The following SEMA6A variants were observed in gnomAD, a reference collection of about 807,000 sequenced individuals.
SEMA6A encodes the protein semaphorin-6A.
Under a neutral mutation model 96.8 loss-of-function variants are expected in SEMA6A, and 25 were observed. That is an observed-to-expected ratio of 0.26 (90% confidence interval 0.19 to 0.36). The LOEUF is 0.36. SEMA6A is among the 10% of genes least tolerant of loss of function. The probability of loss-of-function intolerance (pLI) is 1.00; values close to 1 mark genes in which losing one functional copy is unlikely to be tolerated. For missense variants in SEMA6A, 1,363 were observed against 1,323.1 expected, an observed-to-expected ratio of 1.03 and a Z score of -0.47; for synonymous variants, 612 against 518.0, an observed-to-expected ratio of 1.18 and a Z score of -2.46.
intron 1 of SEMA6A, among the ~76,000 whole-genome samples, chr5:116,542,201 T>TA (rs1344280113): frequency 1.3e-5 from 2 of 152,222 alleles, no homozygotes; most frequent in Non-Finnish European, 2.9e-5. Flanking sequence ...TTACAGCTGT[T>TA]ACCTGCTAAC....
chr5:116,486,078 A>G (rs1251075746), intron 10 of SEMA6A, among the ~76,000 whole-genome samples: 3 of 152,192 alleles, frequency 2.0e-5, no homozygotes, highest in Non-Finnish European at 4.4e-5. Context: ...TGATTTATAA[A>G]TTCTCACTAG....
chr5:116,453,376 C>A (rs1754776118), intron 18 of SEMA6A, among the ~76,000 whole-genome samples: 1 of 152,196 alleles, frequency 6.6e-6, no homozygotes. Context: ...TCTGCATTCC[C>A]TTTATTCTAA....
chr5:116,557,470 G>A (rs2545693), intron 1 of SEMA6A, among the ~76,000 whole-genome samples: 6 of 152,290 alleles, frequency 3.9e-5, no homozygotes, highest in South Asian at 2.1e-4. Context: ...CTTTGGCCTC[G>A]CAAAGTGCTT....
intron 1 of SEMA6A, among the ~76,000 whole-genome samples, chr5:116,534,106 T>C (rs774301676): frequency 2.1e-4 from 32 of 152,210 alleles, no homozygotes; most frequent in Non-Finnish European, 3.7e-4. Context: ...TAACCTCTTA[T>C]TCATTCTAAA....
chr5:116,518,238 T>C (rs1758757952), intron 1 of SEMA6A, among the ~76,000 whole-genome samples: 1 of 152,156 alleles, frequency 6.6e-6, no homozygotes, highest in African/African-American at 2.4e-5. Flanking sequence ...TGGCTGTCCC[T>C]CACCTTTCTT....
chr5:116,569,130 G>C (rs1761115348), intron 1 of SEMA6A, among the ~76,000 whole-genome samples: 1 of 152,164 alleles, frequency 6.6e-6, no homozygotes, highest in Non-Finnish European at 1.5e-5. Context: ...CATATAGTTT[G>C]TCAGACTGTG....
rs943873415 is a variant in SEMA6A at position 116,495,616 on chromosome 5, T to C, written c.343-102A>G. ...GCTGACAGTAAGGTTAAAGTGGAGG[T>C]GGCTGAGGACTTCTCCCATTAAAAG... On this transcript the variant is annotated intron_variant, in intron 5 of 18. Coordinates refer to ENST00000343348, the MANE Select transcript of SEMA6A (RefSeq NM_020796.5). 12 of 768,036 alleles carry C rather than the reference T, an allele frequency of 1.6e-5. No homozygotes were observed. The African/African-American group carries it at 1.6e-4, about 10-fold the overall frequency. 47.6% of individuals were successfully genotyped at this position (768,036 alleles called of 1,614,324 possible).
chr5:116,543,038 G>A (rs1760039859), intron 1 of SEMA6A, among the ~76,000 whole-genome samples: 3 of 152,064 alleles, frequency 2.0e-5, no homozygotes, highest in Non-Finnish European at 4.4e-5. Flanking sequence ...TCATAAAGTT[G>A]AAGAATTTTT....
intron 18 of SEMA6A, among the ~76,000 whole-genome samples, chr5:116,450,077 CT>C (rs1329328236): frequency 6.6e-6 from 1 of 152,232 alleles, no homozygotes; most frequent in African/African-American, 2.4e-5. Context: ...AAAATAGCTA[CT>C]GATTTTTCTT....
chr5:116,519,341 T>C (rs1758819321), intron 1 of SEMA6A, among the ~76,000 whole-genome samples: 2 of 152,206 alleles, frequency 1.3e-5, no homozygotes, highest in African/African-American at 4.8e-5. Context: ...CACCACAGGG[T>C]ACTTTTTTAG....
At chr5:116,451,729 C>A (rs1754646894) in intron 18 of SEMA6A, among the ~76,000 whole-genome samples, 1 of 145,038 alleles carries the variant, frequency 6.9e-6, no homozygotes, top group Non-Finnish European at 1.5e-5. Flanking sequence ...GTGACTATCA[C>A]CCTTGCTTTT....
At chr5:116,486,609 C>G in intron 10 of SEMA6A, 140 bp downstream of exon 10, 1 of 658,680 alleles carries the variant, frequency 1.5e-6, no homozygotes, top group Non-Finnish European at 2.7e-6. Context: ...TTGATGAAAA[C>G]TAAGTGTTAA....
chr5:116,462,595 C>A (rs900942062), intron 18 of SEMA6A, among the ~76,000 whole-genome samples: 2 of 152,158 alleles, frequency 1.3e-5, no homozygotes, highest in African/African-American at 4.8e-5. Flanking sequence ...TTTCCATCCC[C>A]AAACACAAAG....
chr5:116,561,569 ACT>A (rs968266118), intron 1 of SEMA6A, among the ~76,000 whole-genome samples: 1 of 151,874 alleles, frequency 6.6e-6, no homozygotes, highest in African/African-American at 2.4e-5. Context: ...TACATTTAAA[ACT>A]CTTTCATGTT....
chr5:116,468,057 G>A (rs900841392), intron 17 of SEMA6A: 10 of 324,830 alleles, frequency 3.1e-5, no homozygotes, highest in Admixed American at 1.4e-4. Context: ...GATACCTCTC[G>A]GTGTTGGGAG....
At chr5:116,477,668 C>T (rs1212756043) in intron 15 of SEMA6A, among the ~76,000 whole-genome samples, 178 bp downstream of exon 15, 1 of 152,226 alleles carries the variant, frequency 6.6e-6, no homozygotes, top group Admixed American at 6.5e-5. Context: ...AAATCTGCCA[C>T]ATGTGATGTG....
At chr5:116,487,095 CA>C (rs59861509) in intron 9 of SEMA6A, 129 bp from the exon 10 acceptor site, 81,845 of 401,374 alleles carry the variant, frequency 0.2, 4,094 homozygotes, top group African/African-American at 0.46. Context: ...AAATCAGTAA[CA>C]AAAAAAAAAA....
intron 1 of SEMA6A, among the ~76,000 whole-genome samples, chr5:116,526,684 G>A (rs567332465): frequency 3.3e-5 from 5 of 152,234 alleles, no homozygotes; most frequent in African/African-American, 1.2e-4. Flanking sequence ...ATGAACTGTC[G>A]CCCTTGAAGA....
intron 1 of SEMA6A, among the ~76,000 whole-genome samples, chr5:116,530,452 G>A (rs1300695774): frequency 6.6e-6 from 1 of 152,132 alleles, no homozygotes; most frequent in Non-Finnish European, 1.5e-5. Flanking sequence ...TCAGAGGTCT[G>A]TGTGTTCTGG....
Sources: gnomAD v4.1 joint callset for allele counts (sites outside exome capture counted in the v4.1 genomes callset) on GRCh38, gnomAD v4.1.1 for gene constraint, MANE v1.5 for transcripts, NCBI Gene and HGNC (gene_info 2026-07-23, HGNC 2026-07-21) for gene names.